The following NIN variants were observed in gnomAD, a reference collection of about 807,000 sequenced individuals.
NIN encodes the protein glycogen synthase kinase 3 beta-interacting protein.
In NIN, 137 loss-of-function variants were observed where a neutral mutation model predicts 257.6. The observed-to-expected ratio is 0.53, with a 90% CI of 0.46 to 0.61. The LOEUF (loss-of-function observed/expected upper bound fraction) is 0.61. NIN is among the 20% of genes least tolerant of loss of function. NIN has a pLI of 0.00. For synonymous variants in NIN, 918 were observed against 919.8 expected (o/e 1.00, Z 0.04); for missense variants, 2,439 against 2,501.2 (o/e 0.98, Z 0.53).
At chr14:50,770,787 C>G (rs2042697556) in intron 11 of NIN, 65 bp downstream of exon 11, 1 of 1,545,230 alleles carries the variant, frequency 6.5e-7, no homozygotes, top group East Asian at 2.3e-5. Flanking sequence ...GCCCCTGCAG[C>G]TGCAGGCGCC....
At chr14:50,740,054 T>C (rs1471643873) in intron 25 of NIN, among the ~76,000 whole-genome samples, 3 of 152,014 alleles carry the variant, frequency 2.0e-5, no homozygotes, top group Non-Finnish European at 4.4e-5. Flanking sequence ...ATTTTTTGGA[T>C]CTTGAAAATG....
chr14:50,739,575 A>G (rs1346715857), intron 25 of NIN, 88 bp from the exon 26 acceptor site: 5 of 1,206,250 alleles, frequency 4.1e-6, no homozygotes, highest in Admixed American at 4.2e-5. Flanking sequence ...CCCAATGACA[A>G]CGACTCCTAA....
intron 3 of NIN, among the ~76,000 whole-genome samples, chr14:50,811,544 C>CT (rs55734117): frequency 0.022 from 1,648 of 75,230 alleles, 97 homozygotes; most frequent in African/African-American, 0.055. Flanking sequence ...AATGGTCAAG[C>CT]TTTTTTTTTT....
Position 50,752,387 on chromosome 14 carries a change from T to C in NIN, c.4950+131A>G, listed in dbSNP as rs541336887. On this transcript the variant is annotated intron_variant, in intron 21 of 30. Transcript: ENST00000530997. ...AGACTTTCTATTCCACTTACCTACT[T>C]ATCTATTCATGTGCCAGGACCATAC... 4.5e-6 allele frequency: 3 copies of C among 662,990 alleles called. No individual in the cohort carries two copies. In the African/African-American group the frequency reaches 5.5e-5, roughly 12 times the overall value. The allele number at this position is 662,990 out of a possible 1,614,324, so 41.1% of individuals were successfully genotyped here.
Position 50,763,885 on chromosome 14 carries a change from A to G in NIN, c.1715T>C (p.Leu572Ser), listed in dbSNP as rs549688422. 8.1e-6 allele frequency: 13 copies of G among 1,614,034 alleles called. No homozygotes were observed. The Admixed American group carries it at 2.0e-4, about 25-fold the overall frequency. The part of the protein sequence containing the change: ...RAQGRVLRLP[L>S]KNSPSEEVEA... ...AACTTCTTCTGACGGTGAGTTCTTC[A>G]ACGGAAGCCTGAGCACTCTGCCTTG... The change falls in exon 15 of 31, where the codon TTG becomes TCG. Residue 572 changes from leucine to serine, a missense_variant. This residue lies in a region of NIN where 2,043 missense variants were observed against 2,050.2 expected (regional missense o/e 1.00). Coordinates refer to ENST00000530997, the MANE Select transcript of NIN (RefSeq NM_020921.4).
At chr14:50,735,461 T>C in intron 28 of NIN, 55 bp downstream of exon 28, 1 of 1,585,162 alleles carries the variant, frequency 6.3e-7, no homozygotes, top group Non-Finnish European at 8.6e-7. Context: ...AACAAATACC[T>C]CATTCATGGA....
intron 29 of NIN, chr14:50,727,567 T>C (rs2040470553): frequency 3.8e-6 from 5 of 1,327,122 alleles, no homozygotes; most frequent in Non-Finnish European, 4.9e-6. Context: ...AATAAAATAA[T>C]TTAAAAGAGC....
intron 20 of NIN, among the ~76,000 whole-genome samples, chr14:50,754,299 G>A (rs1468267901): frequency 6.6e-6 from 1 of 152,286 alleles, no homozygotes; most frequent in South Asian, 2.1e-4. Flanking sequence ...TATGGTTTTA[G>A]AGGTATCACC....
At chr14:50,785,234 A>G (rs1465980168) in intron 5 of NIN, among the ~76,000 whole-genome samples, 2 of 152,332 alleles carry the variant, frequency 1.3e-5, no homozygotes, top group Middle Eastern at 3.4e-3. Flanking sequence ...AGCCTCCTGG[A>G]TCTCCAGCTT....
chr14:50,801,909 G>A (rs1467432632), intron 4 of NIN, among the ~76,000 whole-genome samples: 5 of 152,174 alleles, frequency 3.3e-5, no homozygotes, highest in Non-Finnish European at 7.3e-5. Flanking sequence ...CATCAAGGAA[G>A]AAAGAGCTTC....
intron 7 of NIN, among the ~76,000 whole-genome samples, chr14:50,775,805 C>T (rs1179892329): frequency 6.6e-6 from 1 of 152,038 alleles, no homozygotes; most frequent in Non-Finnish European, 1.5e-5. Context: ...CTACATATTG[C>T]ACTGATTTAC....
intron 28 of NIN, among the ~76,000 whole-genome samples, chr14:50,731,528 CAAA>C (rs34408175): frequency 7.3e-4 from 70 of 96,058 alleles, no homozygotes; most frequent in Admixed American, 1.3e-3. Flanking sequence ...GACTCCATCT[CAAA>C]AAAAAAAAAA....
intron 3 of NIN, among the ~76,000 whole-genome samples, chr14:50,817,022 A>G (rs971429351): frequency 3.2e-4 from 48 of 152,328 alleles, no homozygotes; most frequent in African/African-American, 9.9e-4. Context: ...TTGTTTATCA[A>G]TGGGGAACCA....
intron 4 of NIN, among the ~76,000 whole-genome samples, chr14:50,795,986 G>A (rs1042065878): frequency 6.6e-6 from 1 of 152,132 alleles, no homozygotes; most frequent in Non-Finnish European, 1.5e-5. Flanking sequence ...CTCAAAAACA[G>A]AAACGAAACA....
chr14:50,756,994 A>G lies in NIN; in HGVS notation c.4036T>C (p.Cys1346Arg). Reference protein sequence around the residue: ...QESVVQRCDCCLWEASLENLE... With the variant: ...QESVVQRCDCRLWEASLENLE... ...TTCTCTAAACTGGCTTCCCATAAGC[A>G]GCAGTCACACCGCTGGACCACGCTT... Residue 1346 changes from cysteine to arginine, a missense_variant, in exon 18 of 31, where the codon TGC becomes CGC. Cys to Arg is a radical substitution (Grantham distance 180, BLOSUM62 -3). Transcript: ENST00000530997. 6.2e-7 allele frequency: 1 copy of G among 1,613,548 alleles called. No homozygotes were observed. Among genetic ancestry groups the G allele is most frequent in the South Asian group, 1.1e-5 (1 of 90,960 alleles).
At position 50,758,483 on chromosome 14, in the gene NIN, T is replaced by C; in HGVS notation, c.2547A>G (p.Glu849=). The change falls in exon 18 of 31, where the codon GAA becomes GAG. Residue 849 remains glutamate (E), a synonymous_variant. Coordinates refer to ENST00000530997, the MANE Select transcript of NIN (RefSeq NM_020921.4). ...ACTGGGATTTCTCCTCACGCTGCTGTTCCTGGAGGTCCTTCAGCTCTTGGC... is the reference window on the plus strand; with the variant it reads ...ACTGGGATTTCTCCTCACGCTGCTGCTCCTGGAGGTCCTTCAGCTCTTGGC... The part of the protein sequence containing the change: ...RYRQELKDLQ[E]QQREEKSQWE... The C allele has an allele frequency of 6.2e-7, 1 of 1,614,246 alleles. No individual in the cohort carries two copies. Among genetic ancestry groups the C allele is most frequent in the Non-Finnish European group, 8.5e-7 (1 of 1,180,038 alleles).
chr14:50,743,142 TA>T (rs997814249), intron 24 of NIN, among the ~76,000 whole-genome samples: 1 of 151,522 alleles, frequency 6.6e-6, no homozygotes, highest in African/African-American at 2.4e-5. Context: ...TTTTTTTTTT[TA>T]ATTTTTAGTA....
chr14:50,762,005 G>A lies in NIN; in HGVS notation c.1775-94C>T, dbSNP rs8009676. The A allele has an allele frequency of 0.13, 179,911 of 1,334,410 alleles. 14,229 individuals are homozygous for A. The highest frequency in any genetic ancestry group is 0.31 in the African/African-American group (21,543 of 69,136). The allele number at this position is 1,334,410 out of a possible 1,614,324, so 82.7% of individuals were successfully genotyped here. ...GGGACATCCAGTTTAACTAAGGAAT[G>A]ATTTTCAGCCTGAATTACCAGAGAT... On this transcript the variant is annotated intron_variant, in intron 15 of 30. Transcript: ENST00000530997.
intron 10 of NIN, 95 bp downstream of exon 10, chr14:50,771,237 A>G (rs2042720171): frequency 2.8e-6 from 4 of 1,436,510 alleles, no homozygotes; most frequent in Non-Finnish European, 3.8e-6. Context: ...CAACATTTGC[A>G]TACAGAATAG....
Sources: allele counts gnomAD v4.1 joint callset (sites outside exome capture counted in the v4.1 genomes callset), GRCh38; gene constraint gnomAD v4.1.1; regional missense constraint gnomAD v4.1.1; transcripts MANE v1.5; gene names NCBI Gene and HGNC (gene_info 2026-07-23, HGNC 2026-07-21).